The following DDX49 variants were observed in gnomAD, a reference collection of about 807,000 sequenced individuals.
DDX49 encodes DEAD-box helicase 49.
A neutral mutation model predicts 56.3 loss-of-function variants in DDX49; 50 were observed. The observed-to-expected ratio is 0.89, with a 90% CI of 0.71 to 1.12. The LOEUF is 1.12. Ranked by LOEUF, DDX49 falls within the 50% of genes most tolerant of loss-of-function variation. DDX49 has a pLI of 0.00. For synonymous variants in DDX49, 269 were observed against 270.6 expected (o/e 0.99, Z 0.06); for missense variants, 614 against 650.5 (o/e 0.94, Z 0.61).
In DDX49 at chr19:18,922,368, G is replaced by C; in HGVS notation, c.490G>C (p.Asp164His). 6.2e-7 allele frequency: 1 copy of C among 1,611,944 alleles called. No individual in the cohort carries two copies. The change falls in exon 5 of 13, where the codon GAC (aspartate) becomes CAC (histidine). Residue 164 changes from aspartate (D) to histidine (H), a missense_variant. Physicochemically the swap from Asp to His is moderately conservative, Grantham distance 81 (BLOSUM62 -1). Coordinates refer to ENST00000247003, the MANE Select transcript of DDX49 (RefSeq NM_019070.5). ...CCGGCTGCTGGAACAGGGCTGCACT[G>C]ACTTCACCGTGGACCTGGAGGCCAT... ...ADRLLEQGCT[D>H]FTVDLEAILA...
Position 18,928,189 on chromosome 19 carries a change from G to A in DDX49, c.1325G>A (p.Arg442His), listed in dbSNP as rs566524138. Residue 442 changes from arginine (R) to histidine (H), a missense_variant, in exon 13 of 13, where the codon CGC (arginine) becomes CAC (histidine). Arg to His is a conservative substitution (Grantham distance 29). Transcript: ENST00000247003. ...GCCAAGATCAAGCAGAAGAACCGGC[G>A]CTTCAAGGAGAAGGTGGAGGAGACG... Reference protein sequence around the residue: ...ELAKIKQKNRRFKEKVEETLK... With the variant: ...ELAKIKQKNRHFKEKVEETLK... 1.3e-5 allele frequency: 20 copies of A among 1,585,338 alleles called. No homozygotes were observed. Among genetic ancestry groups the A allele is most frequent in the Admixed American group, 1.1e-4 (6 of 54,492 alleles).
At chr19:18,926,420 TG>T in intron 10 of DDX49, 43 bp downstream of exon 10, 1 of 194,818 alleles carries the variant, frequency 5.1e-6, no homozygotes, top group East Asian at 9.4e-5. Context: ...AGGGGTGGGG[TG>T]GGCAGAGGTG....
intron 9 of DDX49, 185 bp downstream of exon 9, chr19:18,925,164 CAAG>C (rs1355355826): frequency 2.2e-6 from 2 of 890,936 alleles, no homozygotes; most frequent in Non-Finnish European, 1.6e-6. Context: ...GAGGCTGAGG[CAAG>C]AAGATCACTT....
At chr19:18,923,388 G>A (rs8110281) in intron 6 of DDX49, among the ~76,000 whole-genome samples, 5,352 of 152,194 alleles carry the variant, frequency 0.035, 313 homozygotes, top group African/African-American at 0.12. Flanking sequence ...CAGGCATGGT[G>A]GCGAGCACCT....
At chr19:18,926,432 G>A in intron 10 of DDX49, 55 bp downstream of exon 10, 1 of 1,264,248 alleles carries the variant, frequency 7.9e-7, no homozygotes, top group South Asian at 1.3e-5. Context: ...GGCAGAGGTG[G>A]GCACCTCGGG....
intron 6 of DDX49, among the ~76,000 whole-genome samples, chr19:18,923,480 C>G (rs1215428654): frequency 6.6e-6 from 1 of 152,124 alleles, no homozygotes; most frequent in East Asian, 1.9e-4. Flanking sequence ...CGAGATCACG[C>G]CACTGCACTC....
chr19:18,921,818 C>T (rs749081745), intron 3 of DDX49, 25 bp from the exon 4 acceptor site: 5 of 1,614,074 alleles, frequency 3.1e-6, no homozygotes, highest in Non-Finnish European at 3.4e-6. Context: ...CTGCCCAGCC[C>T]TGCCTCTCAT....
chr19:18,927,104 TGGACTTTAAGGCC>T (rs1216955005), intron 10 of DDX49, among the ~76,000 whole-genome samples: 1 of 139,950 alleles, frequency 7.1e-6, no homozygotes, highest in Non-Finnish European at 1.5e-5. Flanking sequence ...GAGAAACATC[TGGACTTTAAGGCC>T]GGGCACGGTG....
intron 10 of DDX49, 31 bp from the exon 11 acceptor site, chr19:18,927,735 A>AC: frequency 9.0e-7 from 1 of 1,113,788 alleles, no homozygotes. Flanking sequence ...TCTCCTCCCC[A>AC]CCCCCACCCC....
chr19:18,927,922 G>C, intron 11 of DDX49, 43 bp from the exon 12 acceptor site: 1 of 1,613,864 alleles, frequency 6.2e-7, no homozygotes, highest in Non-Finnish European at 8.5e-7. Context: ...TCCAGGTGGG[G>C]CCCCCGTGAC....
intron 1 of DDX49, 36 bp from the exon 2 acceptor site, chr19:18,920,544 A>G (rs1390861071): frequency 6.4e-7 from 1 of 1,572,758 alleles, no homozygotes; most frequent in Non-Finnish European, 8.7e-7. Context: ...CTGTCCACAC[A>G]TGGAGGGTGT....
chr19:18,921,782 A>G (rs1438663611), intron 3 of DDX49, 34 bp downstream of exon 3: 4 of 1,613,952 alleles, frequency 2.5e-6, no homozygotes, highest in Non-Finnish European at 3.4e-6. Context: ...AAGCCCCAGC[A>G]TGGGACCCTA....
chr19:18,926,901 C>T (rs1362553198), intron 10 of DDX49, among the ~76,000 whole-genome samples: 17 of 148,068 alleles, frequency 1.1e-4, no homozygotes, highest in South Asian at 4.3e-4. Flanking sequence ...GGTGAAACCC[C>T]GTCTCTACTA....
chr19:18,921,872 C>T lies in DDX49; in HGVS notation c.355C>T (p.Arg119Trp), dbSNP rs775529778. ...GGTGGCCCAGGCGCTGGAGCTCTCT[C>T]GGAAACCACACGTGGTCATCGCCAC... Reference protein sequence around the residue: ...DMVAQALELSRKPHVVIATPG... With the variant: ...DMVAQALELSWKPHVVIATPG... Residue 119 changes from arginine to tryptophan, a missense_variant, in exon 4 of 13, where the codon CGG becomes TGG. By Grantham distance (101) the Arg-to-Trp change is moderately radical. Transcript: ENST00000247003. 8.1e-6 allele frequency: 13 copies of T among 1,613,906 alleles called. No individual in the cohort carries two copies. The highest frequency in any genetic ancestry group is 1.7e-5 in the Admixed American group (1 of 60,016).
intron 10 of DDX49, 62 bp downstream of exon 10, chr19:18,926,439 C>T (rs1037982567): frequency 1.2e-5 from 9 of 769,922 alleles, no homozygotes; most frequent in African/African-American, 3.4e-5. Context: ...GTGGGCACCT[C>T]GGGGTGAGAC....
In DDX49 at chr19:18,922,762, C is replaced by A. The variant is rs539892174; in HGVS notation, c.776+18C>A. On this transcript the variant is annotated intron_variant, in intron 6 of 12. Coordinates refer to ENST00000247003, the MANE Select transcript of DDX49 (RefSeq NM_019070.5). Reference sequence around the variant, plus strand: ...ACGTGCAAGTGAGCGGGGCCCGCCTCTCCCCTCCCACCGCCCTTCAAAGGA... The same window carrying A: ...ACGTGCAAGTGAGCGGGGCCCGCCTATCCCCTCCCACCGCCCTTCAAAGGA... The A allele has an allele frequency of 5.6e-6, 9 of 1,606,760 alleles. 2 individuals are homozygous for A. In the African/African-American group the frequency reaches 1.2e-4, roughly 21 times the overall value.
chr19:18,922,152 T>C, intron 4 of DDX49, 174 bp from the exon 5 acceptor site: 1 of 1,145,858 alleles, frequency 8.7e-7, no homozygotes, highest in Non-Finnish European at 1.2e-6. Context: ...CTAGCAATGT[T>C]ATTCGGGGGT....
chr19:18,921,729 C>T lies in DDX49; in HGVS notation c.306C>T (p.Cys102=). ...GGAAGCCTCTAGGGCTGAAAGACTG[C>T]ATCATCGTCGGTGGCATGGGTACGG... ...VLGKPLGLKD[C]IIVGGMDMVA... Residue 102 remains cysteine, a synonymous_variant, in exon 3 of 13, where the codon TGC becomes TGT. Transcript: ENST00000247003. 6.2e-7 allele frequency: 1 copy of T among 1,614,132 alleles called. No homozygotes were observed. The highest frequency in any genetic ancestry group is 8.5e-7 in the Non-Finnish European group (1 of 1,180,028).
Position 18,922,468 on chromosome 19 carries a change from A to G in DDX49, c.590A>G (p.Gln197Arg), listed in dbSNP as rs1035869446. The G allele has an allele frequency of 6.2e-7, 1 of 1,602,410 alleles. No individual in the cohort carries two copies. Among genetic ancestry groups the G allele is most frequent in the African/African-American group, 1.3e-5 (1 of 74,850 alleles). The change falls in exon 5 of 13, where the codon CAG (glutamine) becomes CGG (arginine). Residue 197 changes from glutamine (Q) to arginine (R), a missense_variant. Transcript: ENST00000247003. ...CTGACCGACACACTCCGGGAGCTGCAGGGTCTGGCCACCAACCAGCCCTTC... is the reference window on the plus strand; with the variant it reads ...CTGACCGACACACTCCGGGAGCTGCGGGGTCTGGCCACCAACCAGCCCTTC... ...ATLTDTLREL[Q>R]GLATNQPFFW...
Sources: allele counts gnomAD v4.1 joint callset (sites outside exome capture counted in the v4.1 genomes callset), GRCh38; gene constraint gnomAD v4.1.1; transcripts MANE v1.5; gene names NCBI Gene and HGNC (gene_info 2026-07-23, HGNC 2026-07-21).